The following CDK12 variants were observed in gnomAD, a reference collection of about 807,000 sequenced individuals.
The protein encoded by CDK12 is cyclin dependent kinase 12, also known as cyclin-dependent kinase 12.
Under a neutral mutation model 133.8 loss-of-function variants are expected in CDK12, and 17 were observed. The ratio of observed to expected loss-of-function variants is 0.13; its 90% CI spans 0.09 to 0.19. The LOEUF is 0.19. Ranked by LOEUF, CDK12 falls within the 10% of genes least tolerant of loss-of-function variation. The pLI, the probability that CDK12 is intolerant of heterozygous loss-of-function variation, is 1.00. For missense variants in CDK12, 1,508 were observed against 1,818.7 expected (o/e 0.83, Z 3.11); for synonymous variants, 694 against 683.6 (o/e 1.02, Z -0.24).
At chr17:39,505,227 C>CAAAAAA (rs149103539) in intron 6 of CDK12, among the ~76,000 whole-genome samples, 2 of 47,606 alleles carry the variant, frequency 4.2e-5, no homozygotes, top group African/African-American at 8.4e-5. Flanking sequence ...GACTCCGTTT[C>CAAAAAA]AAAAAAAAAA....
chr17:39,508,116 A>T (rs2053249351), intron 6 of CDK12, among the ~76,000 whole-genome samples: 1 of 152,124 alleles, frequency 6.6e-6, no homozygotes, highest in Non-Finnish European at 1.5e-5. Context: ...CTGGTTCTGA[A>T]CATCCAAAAT....
intron 2 of CDK12, among the ~76,000 whole-genome samples, chr17:39,474,690 T>C (rs1567693283): frequency 6.6e-6 from 1 of 151,894 alleles, no homozygotes. Flanking sequence ...CCTCTGTTCT[T>C]TAGAGAAGAT....
downstream of CDK12, among the ~76,000 whole-genome samples, chr17:39,537,585 A>AT (rs1555582244): frequency 1.3e-5 from 2 of 149,216 alleles, no homozygotes; most frequent in African/African-American, 4.9e-5. Context: ...TTATTTATTT[A>AT]TTTTTGAGAT....
intron 11 of CDK12, among the ~76,000 whole-genome samples, chr17:39,520,894 C>A (rs2054122868): frequency 2.0e-5 from 3 of 152,090 alleles, no homozygotes; most frequent in African/African-American, 7.2e-5. Flanking sequence ...GTTCCCCAGG[C>A]TGGAGTACAA....
At chr17:39,548,361 C>T (rs1375746374), upstream of CDK12, among the ~76,000 whole-genome samples, 1 of 152,224 alleles carries the variant, frequency 6.6e-6, no homozygotes, top group African/African-American at 2.4e-5. Context: ...AGGCACTTAA[C>T]ACCTTGCACA....
intron 5 of CDK12, among the ~76,000 whole-genome samples, chr17:39,498,882 TC>T (rs766543400): frequency 0.09 from 18 of 200 alleles, 3 homozygotes; most frequent in South Asian, 0.83. Context: ...TCTCTTTCTT[TC>T]TTTCTTTCTT....
intron 6 of CDK12, among the ~76,000 whole-genome samples, chr17:39,502,779 A>G (rs1336351674): frequency 1.3e-5 from 2 of 152,196 alleles, no homozygotes; most frequent in Non-Finnish European, 2.9e-5. Context: ...TCAAATTTCT[A>G]GGCAGAAGCA....
chr17:39,476,259 G>A (rs888303946), intron 2 of CDK12, among the ~76,000 whole-genome samples: 8 of 151,244 alleles, frequency 5.3e-5, no homozygotes, highest in Non-Finnish European at 1.2e-4. Flanking sequence ...ACAGGCACCC[G>A]CCACCACACC....
intron 6 of CDK12, among the ~76,000 whole-genome samples, chr17:39,505,092 G>T (rs1397962772): frequency 1.3e-5 from 2 of 151,376 alleles, no homozygotes; most frequent in African/African-American, 4.9e-5. Flanking sequence ...AGCTGGGCAT[G>T]GTGGCGCATG....
Position 39,462,493 on chromosome 17 carries a change from G to C in CDK12, c.422G>C (p.Gly141Ala), listed in dbSNP as rs1230019340. ...AGCCAAGAAGTCTCCAGCAAGTCGGGATCGATGAAGGACCGGATATCGGGA... is the reference window on the plus strand; with the variant it reads ...AGCCAAGAAGTCTCCAGCAAGTCGGCATCGATGAAGGACCGGATATCGGGA... ...EKSQEVSSKS[G>A]SMKDRISGSS... The change falls in exon 1 of 14, where the codon GGA (glycine) becomes GCA (alanine). Residue 141 changes from glycine (G) to alanine (A), a missense_variant. Gly to Ala is a moderately conservative substitution (Grantham distance 60). Transcript: ENST00000447079. 6.2e-7 allele frequency: 1 copy of C among 1,614,116 alleles called. No homozygotes were observed. The highest frequency in any genetic ancestry group is 1.7e-5 in the Admixed American group (1 of 59,982).
intron 5 of CDK12, 28 bp from the exon 6 acceptor site, chr17:39,501,219 TTGC>T: frequency 1.4e-6 from 2 of 1,410,978 alleles, no homozygotes; most frequent in East Asian, 2.5e-5. Flanking sequence ...TTTTTTTTTC[TTGC>T]TTTTAATTTT....
At chr17:39,503,513 A>G (rs1047263361) in intron 6 of CDK12, among the ~76,000 whole-genome samples, 11 of 152,158 alleles carry the variant, frequency 7.2e-5, no homozygotes, top group Non-Finnish European at 1.6e-4. Flanking sequence ...ATAGTATAAT[A>G]TACTTTCTGC....
rs1405838519 is a variant in CDK12 at position 39,501,454 on chromosome 17, A to G, written c.2609+15A>G. 6.4e-7 allele frequency: 1 copy of G among 1,574,150 alleles called. No homozygotes were observed. Among genetic ancestry groups the G allele is most frequent in the Admixed American group, 1.8e-5 (1 of 55,902 alleles). ...CTGAATAACAGGTAACATAGTAACC[A>G]AATAAGATTAAGCACTTTCCTCTTC... On this transcript the variant is annotated intron_variant, in intron 6 of 13. Coordinates refer to ENST00000447079, the MANE Select transcript of CDK12 (RefSeq NM_016507.4).
In CDK12 at chr17:39,534,387, T is replaced by C. The variant is rs2055035670; in HGVS notation, c.*3071T>C. The C allele has an allele frequency of 4.3e-6, 1 of 232,806 alleles. No homozygotes were observed. The highest frequency in any genetic ancestry group is 8.5e-6 in the Non-Finnish European group (1 of 117,800). The allele number at this position is 232,806 out of a possible 1,614,324, so 14.4% of individuals were successfully genotyped here. A position where few individuals can be genotyped will look rare whatever the true frequency, so the allele number is the denominator to read the frequency against. On this transcript the variant is annotated 3_prime_UTR_variant, in exon 14 of 14. Coordinates refer to ENST00000447079, the MANE Select transcript of CDK12 (RefSeq NM_016507.4). ...CAGTTGCCACCTCATTCTCCCTGAT[T>C]TAGGTTCCTGACACTGATTCCTTTC...
At position 39,471,481 on chromosome 17, in the gene CDK12, C is replaced by T. The variant is rs753511772; in HGVS notation, c.1649C>T (p.Pro550Leu). The change falls in exon 2 of 14, where the codon CCT becomes CTT. Residue 550 changes from proline to leucine, a missense_variant. Pro to Leu is a moderately conservative substitution (Grantham distance 98, BLOSUM62 -3). Around this residue, in one of 9 missense-constraint regions of CDK12, gnomAD observed 347 missense variants for 330.8 expected, o/e 1.05. Transcript: ENST00000447079. ...ACTACCCCTCCACCTCAGACACCCCCTTTGCCACCTTTGCCTCCAATACCA... is the reference window on the plus strand; with the variant it reads ...ACTACCCCTCCACCTCAGACACCCCTTTTGCCACCTTTGCCTCCAATACCA... Reference protein sequence around the residue: ...PTTTPPPQTPPLPPLPPIPAL... With the variant: ...PTTTPPPQTPLLPPLPPIPAL... 6 of 1,613,738 alleles carry T rather than the reference C, an allele frequency of 3.7e-6. No homozygotes were observed. Among genetic ancestry groups the T allele is most frequent in the Non-Finnish European group, 4.2e-6 (5 of 1,179,946 alleles).
chr17:39,556,750 T>C (rs2056178741), intron 3 of CDK12: 1 of 151,994 alleles, frequency 6.6e-6, no homozygotes. Context: ...ATAGGGTAGA[T>C]GGGCTGAGGG....
At chr17:39,508,606 G>A (rs551484576) in intron 6 of CDK12, among the ~76,000 whole-genome samples, 5 of 152,066 alleles carry the variant, frequency 3.3e-5, no homozygotes, top group Admixed American at 1.3e-4. Flanking sequence ...AATAGGTGCA[G>A]CAAACCACCA....
At chr17:39,485,409 T>C (rs56989343) in intron 2 of CDK12, among the ~76,000 whole-genome samples, 531 of 6,172 alleles carry the variant, frequency 0.086, no homozygotes, top group African/African-American at 0.27. Context: ...ATCCCCCCCC[T>C]TTTTTTTTTT....
At chr17:39,530,447 T>G in intron 13 of CDK12, 157 bp from the exon 14 acceptor site, 2 of 1,063,638 alleles carry the variant, frequency 1.9e-6, no homozygotes, top group Non-Finnish European at 2.6e-6. Context: ...AATCACTTGA[T>G]TTATTTATAA....
Sources: allele counts gnomAD v4.1 joint callset (sites outside exome capture counted in the v4.1 genomes callset), GRCh38; gene constraint gnomAD v4.1.1; regional missense constraint gnomAD v4.1.1; transcripts MANE v1.5; gene names NCBI Gene and HGNC (gene_info 2026-07-23, HGNC 2026-07-21).